RPL37: variants seen among roughly 807,000 people sequenced by gnomAD.
RPL37 encodes the protein ribosomal protein L37, also known as large ribosomal subunit protein eL37.
In RPL37, 1 loss-of-function variant was observed where a neutral mutation model predicts 14.8. The observed-to-expected ratio is 0.07, with a 90% CI of 0.02 to 0.32. The LOEUF (loss-of-function observed/expected upper bound fraction) is 0.32, where lower values mean the gene tolerates loss of function less well. Ranked by LOEUF, RPL37 falls within the 10% of genes least tolerant of loss-of-function variation. The pLI, the probability that RPL37 is intolerant of heterozygous loss-of-function variation, is 1.00. For synonymous variants in RPL37, 53 were observed against 45.8 expected, an observed-to-expected ratio of 1.16 and a Z score of -0.63; for missense variants, 100 against 128.3, an observed-to-expected ratio of 0.78 and a Z score of 1.06.
At chr5:40,832,683 A>G (rs1360928618) in intron 3 of RPL37, 110 bp from the exon 4 acceptor site, 1 of 821,590 alleles carries the variant, frequency 1.2e-6, no homozygotes, top group South Asian at 1.3e-5. Flanking sequence ...TGCTGAAATC[A>G]ATACTGCATT....
intron 1 of RPL37, 134 bp from the exon 2 acceptor site, chr5:40,834,740 C>T (rs964340289): frequency 4.9e-6 from 5 of 1,018,798 alleles, no homozygotes; most frequent in Non-Finnish European, 2.8e-6. Context: ...CCTCTTTCCA[C>T]GAATGCCAAG....
chr5:40,834,427 T>C, intron 2 of RPL37, 44 bp downstream of exon 2: 1 of 1,602,710 alleles, frequency 6.2e-7, no homozygotes, highest in Non-Finnish European at 8.5e-7. Context: ...TTAAGTGCAA[T>C]ACAAACAAAA....
At chr5:40,834,922 G>C (rs1745732230) in intron 1 of RPL37, 1 of 617,272 alleles carries the variant, frequency 1.6e-6, no homozygotes, top group African/African-American at 1.8e-5. Context: ...TCCCAACCAA[G>C]GCTAGAGCCG....
chr5:40,827,416 G>A lies in RPL37; in HGVS notation c.*5088C>T, dbSNP rs916912521. On this transcript the variant is annotated 3_prime_UTR_variant, in exon 4 of 4. Transcript: ENST00000274242. ...GCTATAATTAAGATTACCTTCTGAC[G>A]ATTACATAGGACTGCACGTTTTACC... 6.6e-6 allele frequency: 1 copy of A among 152,180 alleles called. No homozygotes were observed. Among genetic ancestry groups the A allele is most frequent in the African/African-American group, 2.4e-5 (1 of 41,446 alleles). The allele number at this position is 152,180 out of a possible 1,614,324, so 9.4% of individuals were successfully genotyped here. A position where few individuals can be genotyped will look rare whatever the true frequency, so the allele number is the denominator to read the frequency against.
intron 1 of RPL37, 56 bp downstream of exon 1, chr5:40,835,123 CAGAG>C: frequency 6.2e-7 from 1 of 1,612,012 alleles, no homozygotes; most frequent in Non-Finnish European, 8.5e-7. Context: ...GCACAGCAAA[CAGAG>C]AGGCACAAAG....
chr5:40,835,193 C>A lies in RPL37; in HGVS notation c.-8G>T. ...ACAGTCACAACTCACCATCTCGCTT[C>A]TGCGGCCGAGACCAGAAAGACCGGA... On this transcript the variant is annotated 5_prime_UTR_variant, in exon 1 of 4. Transcript: ENST00000274242. The A allele has an allele frequency of 1.2e-6, 2 of 1,614,162 alleles. No individual in the cohort carries two copies. Among genetic ancestry groups the A allele is most frequent in the Middle Eastern group, 3.3e-4 (2 of 6,062 alleles).
In RPL37 at chr5:40,835,194, T is replaced by C; in HGVS notation, c.-9A>G. 6.2e-7 allele frequency: 1 copy of C among 1,614,120 alleles called. No homozygotes were observed. The highest frequency in any genetic ancestry group is 8.5e-7 in the Non-Finnish European group (1 of 1,180,030). On this transcript the variant is annotated 5_prime_UTR_variant, in exon 1 of 4. Coordinates refer to ENST00000274242, the MANE Select transcript of RPL37 (RefSeq NM_000997.5). Reference sequence around the variant, plus strand: ...CAGTCACAACTCACCATCTCGCTTCTGCGGCCGAGACCAGAAAGACCGGAA... The same window carrying C: ...CAGTCACAACTCACCATCTCGCTTCCGCGGCCGAGACCAGAAAGACCGGAA...
In RPL37 at chr5:40,828,606, TGA is replaced by T. The variant is rs1451740510; in HGVS notation, c.*3896_*3897del. On this transcript the variant is annotated 3_prime_UTR_variant, in exon 4 of 4. Coordinates refer to ENST00000274242, the MANE Select transcript of RPL37 (RefSeq NM_000997.5). Reference sequence around the variant, plus strand: ...CTGGTTTTTCTTTGCTGCTCTAACATGAGAGAGGTTTATGAAAAGTAAAGACT... The same window carrying T: ...CTGGTTTTTCTTTGCTGCTCTAACATGAGAGGTTTATGAAAAGTAAAGACT... 5.3e-5 allele frequency: 8 copies of T among 152,326 alleles called. No homozygotes were observed. The highest frequency in any genetic ancestry group is 1.0e-4 in the Non-Finnish European group (7 of 68,020). 9.4% of individuals were successfully genotyped at this position (152,326 alleles called of 1,614,324 possible). A position where few individuals can be genotyped will look rare whatever the true frequency, so the allele number is the denominator to read the frequency against.
rs1286605049 is a variant in RPL37 at position 40,825,637 on chromosome 5, C to CA, written c.*6866dup. 3 of 152,258 alleles carry CA rather than the reference C, an allele frequency of 2.0e-5. No homozygotes were observed. Among genetic ancestry groups the CA allele is most frequent in the Admixed American group, 6.5e-5 (1 of 15,282 alleles). The allele number at this position is 152,258 out of a possible 1,614,324, so 9.4% of individuals were successfully genotyped here. A position where few individuals can be genotyped will look rare whatever the true frequency, so the allele number is the denominator to read the frequency against. On this transcript the variant is annotated 3_prime_UTR_variant, in exon 4 of 4. Transcript: ENST00000274242. ...TCCACTCTGACGTAGCTGAGCCATA[C>CA]ACTACATTGCCTTAGTCCTGTTCAC...
Position 40,830,578 on chromosome 5 carries a change from CCT to C in RPL37, c.*1924_*1925del, listed in dbSNP as rs200745384. Reference sequence around the variant, plus strand: ...GTGGCATGATCTCAGCTCACTGCAACCTCTGCCTCCCAGGTTCAAGCGATTCT... The same window carrying C: ...GTGGCATGATCTCAGCTCACTGCAACCTGCCTCCCAGGTTCAAGCGATTCT... On this transcript the variant is annotated 3_prime_UTR_variant, in exon 4 of 4. Transcript: ENST00000274242. The C allele has an allele frequency of 6.3e-3, 961 of 151,942 alleles. 7 individuals carry two copies. The highest frequency in any genetic ancestry group is 0.022 in the African/African-American group (923 of 41,152). 9.4% of individuals were successfully genotyped at this position (151,942 alleles called of 1,614,324 possible).
chr5:40,826,604 G>A lies in RPL37; in HGVS notation c.*5900C>T, dbSNP rs532010368. On this transcript the variant is annotated 3_prime_UTR_variant, in exon 4 of 4. Coordinates refer to ENST00000274242, the MANE Select transcript of RPL37 (RefSeq NM_000997.5). The stretch of plus-strand genomic sequence containing the variant: ...TGTGTTTCGTACAACCATTTAGCTG[G>A]GGAGCCCAGAGAGGGCTGCTGCCAT... The A allele has an allele frequency of 6.6e-6, 1 of 152,280 alleles. No individual in the cohort carries two copies. Among genetic ancestry groups the A allele is most frequent in the Non-Finnish European group, 1.5e-5 (1 of 68,032 alleles). 9.4% of individuals were successfully genotyped at this position (152,280 alleles called of 1,614,324 possible). A position where few individuals can be genotyped will look rare whatever the true frequency, so the allele number is the denominator to read the frequency against.
Position 40,832,585 on chromosome 5 carries a change from C to T in RPL37, c.225-12G>A. ...CACGGAATCCATGCCTGCAGGATGT[C>T]AAAAACAAGAACAAGTTACTTCAGC... On this transcript the variant is annotated splice_polypyrimidine_tract_variant and intron_variant, in intron 3 of 3. Coordinates refer to ENST00000274242, the MANE Select transcript of RPL37 (RefSeq NM_000997.5). 1 of 1,612,326 alleles carries T rather than the reference C, an allele frequency of 6.2e-7. No individual in the cohort carries two copies. Among genetic ancestry groups the T allele is most frequent in the Non-Finnish European group, 8.5e-7 (1 of 1,178,402 alleles).
chr5:40,833,659 T>C (rs555272593), intron 3 of RPL37, among the ~76,000 whole-genome samples: 1 of 152,316 alleles, frequency 6.6e-6, no homozygotes, highest in East Asian at 1.9e-4. Context: ...TGACAAATTT[T>C]GACACCAATT....
rs1745635234 is a variant in RPL37, at chr5:40,831,267, CAAG to C, written c.*1234_*1236del. On this transcript the variant is annotated 3_prime_UTR_variant, in exon 4 of 4. Transcript: ENST00000274242. ...ATTGCGCCATTGCACTATCTGTAAA[CAAG>C]AAAGGCAATGGCAATTGGACTCTAA... is the stretch of plus-strand genomic sequence containing the variant. 6.6e-6 allele frequency: 1 copy of C among 152,262 alleles called. No homozygotes were observed. The allele number at this position is 152,262 out of a possible 1,614,324, so 9.4% of individuals were successfully genotyped here. A position where few individuals can be genotyped will look rare whatever the true frequency, so the allele number is the denominator to read the frequency against.
In RPL37 at chr5:40,829,118, C is replaced by T. The variant is rs1252832523; in HGVS notation, c.*3386G>A. 6.6e-6 allele frequency: 1 copy of T among 152,158 alleles called. No individual in the cohort carries two copies. Among genetic ancestry groups the T allele is most frequent in the Admixed American group, 6.6e-5 (1 of 15,266 alleles). The allele number at this position is 152,158 out of a possible 1,614,324, so 9.4% of individuals were successfully genotyped here. A position where few individuals can be genotyped will look rare whatever the true frequency, so the allele number is the denominator to read the frequency against. On this transcript the variant is annotated 3_prime_UTR_variant, in exon 4 of 4. Transcript: ENST00000274242. Reference sequence around the variant, plus strand: ...TTCTCATTTTCATGCTTAAATTATACAGAAATGGGAAGCTTGGAAGTTAGC... The same window carrying T: ...TTCTCATTTTCATGCTTAAATTATATAGAAATGGGAAGCTTGGAAGTTAGC...
Position 40,832,486 on chromosome 5 carries a change from G to A in RPL37, c.*18C>T, listed in dbSNP as rs370743867. The A allele has an allele frequency of 6.2e-7, 1 of 1,604,112 alleles. No individual in the cohort carries two copies. The highest frequency in any genetic ancestry group is 8.5e-7 in the Non-Finnish European group (1 of 1,171,806). On this transcript the variant is annotated 3_prime_UTR_variant, in exon 4 of 4. Transcript: ENST00000274242. The stretch of plus-strand genomic sequence containing the variant: ...TTTAAAACCAGAACATTTATTGCAT[G>A]ACTAATCGTTGACATTCTTAAGATG...
chr5:40,833,365 C>T (rs958041224), intron 3 of RPL37, among the ~76,000 whole-genome samples: 1 of 152,182 alleles, frequency 6.6e-6, no homozygotes, highest in African/African-American at 2.4e-5. Flanking sequence ...AACATAGTAA[C>T]GGAAGGAGCA....
rs1249738787 is a variant in RPL37, at chr5:40,834,530, T to C, written c.80A>G (p.Tyr27Cys). The C allele has an allele frequency of 5.6e-6, 9 of 1,614,062 alleles. No individual in the cohort carries two copies. The highest frequency in any genetic ancestry group is 2.2e-5 in the East Asian group (1 of 44,904). Residue 27 changes from tyrosine (Y) to cysteine (C), a missense_variant, in exon 2 of 4, where the codon TAC becomes TGC. Transcript: ENST00000274242. ...TLCRRCGSKA[Y>C]HLQKSTCGKC... ...GCCACAGGTCGACTTCTGAAGGTGGTAGGCCTTAGAGCCACAGCGGCGGCA... is the reference window on the plus strand; with the variant it reads ...GCCACAGGTCGACTTCTGAAGGTGGCAGGCCTTAGAGCCACAGCGGCGGCA...
At chr5:40,834,831 C>T (rs1467508585) in intron 1 of RPL37, among the ~76,000 whole-genome samples, 1 of 152,126 alleles carries the variant, frequency 6.6e-6, no homozygotes, top group Middle Eastern at 3.2e-3. Flanking sequence ...CTTATCTTTA[C>T]AGACTCCGGC....
Sources: allele counts gnomAD v4.1 joint callset (sites outside exome capture counted in the v4.1 genomes callset), GRCh38; gene constraint gnomAD v4.1.1; transcripts MANE v1.5; gene names NCBI Gene and HGNC (gene_info 2026-07-23, HGNC 2026-07-21).